Variants in MAML3 observed in about 807,000 individuals in gnomAD.
MAML3 encodes the protein mastermind like transcriptional coactivator 3.
In MAML3, 27 loss-of-function variants were observed where a neutral mutation model predicts 101.9. The observed-to-expected ratio is 0.27, with a 90% CI of 0.20 to 0.37. The LOEUF (loss-of-function observed/expected upper bound fraction) is 0.37, where lower values mean the gene tolerates loss of function less well. Ranked by LOEUF, MAML3 falls within the 10% of genes least tolerant of loss-of-function variation. The pLI is 1.00. For missense variants in MAML3, 1,316 were observed against 1,444.9 expected (o/e 0.91, Z 1.45); for synonymous variants, 501 against 555.9 (o/e 0.90, Z 1.39).
chr4:139,883,889 C>CTTTTTTTTTTTTTTT (rs70943452), intron 2 of MAML3, among the ~76,000 whole-genome samples: 1 of 74,324 alleles, frequency 1.3e-5, no homozygotes, highest in Non-Finnish European at 2.5e-5. Flanking sequence ...AATTGCTTGT[C>CTTTTTTTTTTTTTTT]TTTTTTTTTT....
chr4:140,121,736 A>G (rs1728609021), intron 1 of MAML3, among the ~76,000 whole-genome samples: 1 of 152,250 alleles, frequency 6.6e-6, no homozygotes, highest in Non-Finnish European at 1.5e-5. Flanking sequence ...CTATTTATCT[A>G]AAGAAAATGT....
At chr4:139,762,858 T>C (rs1416263547) in intron 2 of MAML3, among the ~76,000 whole-genome samples, 1 of 152,152 alleles carries the variant, frequency 6.6e-6, no homozygotes, top group Non-Finnish European at 1.5e-5. Flanking sequence ...GCACAGCCCA[T>C]GGAGGAAAGA....
chr4:139,730,015 A>G (rs1057046980), intron 3 of MAML3, among the ~76,000 whole-genome samples: 1 of 152,204 alleles, frequency 6.6e-6, no homozygotes, highest in African/African-American at 2.4e-5. Context: ...ATTTCCTCTA[A>G]GAAACAGAGT....
At chr4:140,074,895 T>C (rs1283211023) in intron 1 of MAML3, among the ~76,000 whole-genome samples, 1 of 152,212 alleles carries the variant, frequency 6.6e-6, no homozygotes, top group Non-Finnish European at 1.5e-5. Flanking sequence ...CCAGGCTATG[T>C]GTACAAGGTG....
intron 2 of MAML3, among the ~76,000 whole-genome samples, chr4:139,813,777 A>T (rs1272657809): frequency 6.6e-6 from 1 of 152,154 alleles, no homozygotes; most frequent in Non-Finnish European, 1.5e-5. Context: ...CAGGGGCCAA[A>T]GGATGCAGGA....
Position 139,861,477 on chromosome 4 carries a change from A to ATGTGTGTGTGTGTGTGTG in MAML3, c.2079+27862_2079+27879dup, listed in dbSNP as rs55851938. Among the ~76,000 whole-genome samples the ATGTGTGTGTGTGTGTGTG allele has an allele frequency of 3.9e-3, 568 of 146,468 alleles. 7 individuals are homozygous for ATGTGTGTGTGTGTGTGTG. Among genetic ancestry groups the ATGTGTGTGTGTGTGTGTG allele is most frequent in the African/African-American group, 0.012 (484 of 39,202 alleles). On this transcript the variant is annotated intron_variant, in intron 2 of 4. Transcript: ENST00000509479. Reference sequence around the variant, plus strand: ...AGATGTATGAATGTCTAACCAGCCGATGTGTGTGTGTGTGTGTGTGTGTGT... The same window carrying ATGTGTGTGTGTGTGTGTG: ...AGATGTATGAATGTCTAACCAGCCGATGTGTGTGTGTGTGTGTGTGTGTGTGTGTGTGTGTGTGTGTGT...
chr4:139,832,103 T>TCCCC lies in MAML3; in HGVS notation c.2079+57253_2079+57254insGGGG, dbSNP rs1251865674. ...CCATCATGCCCAGCCCCTTTTTTTTTTTTTTTTTTTTTTTTTTTTGAGACA... is the reference window on the plus strand; with the variant it reads ...CCATCATGCCCAGCCCCTTTTTTTTTCCCCTTTTTTTTTTTTTTTTTTTGAGACA... On this transcript the variant is annotated intron_variant, in intron 2 of 4. Coordinates refer to ENST00000509479, the MANE Select transcript of MAML3 (RefSeq NM_018717.5). Among the ~76,000 whole-genome samples, 100 of 97,896 alleles carry TCCCC rather than the reference T, an allele frequency of 1.0e-3. 2 individuals carry two copies. The highest frequency in any genetic ancestry group is 6.7e-3 in the African/African-American group (98 of 14,652). The allele number at this position is 97,896 out of a possible 152,430, so 64.2% of individuals were successfully genotyped here.
At position 139,719,266 on chromosome 4, in the gene MAML3, C is replaced by A. The variant is rs921475234; in HGVS notation, c.*57G>T. 62 of 1,510,018 alleles carry A rather than the reference C, an allele frequency of 4.1e-5. No homozygotes were observed. The African/African-American group carries it at 7.8e-4, about 19-fold the overall frequency. 93.5% of individuals were successfully genotyped at this position (1,510,018 alleles called of 1,614,324 possible). On this transcript the variant is annotated 3_prime_UTR_variant, in exon 5 of 5. Transcript: ENST00000509479. ...ACAAGGATGGGTCAACATCCTGTTT[C>A]TTTTTCACTTTTTAAGCTTTAACCA...
chr4:140,069,897 C>T (rs1727616392), intron 1 of MAML3, among the ~76,000 whole-genome samples: 1 of 151,932 alleles, frequency 6.6e-6, no homozygotes, highest in Non-Finnish European at 1.5e-5. Context: ...TGGCGGATTA[C>T]CTGAGGTCAG....
intron 1 of MAML3, among the ~76,000 whole-genome samples, chr4:140,015,530 T>G (rs530102812): frequency 1.3e-5 from 2 of 152,352 alleles, no homozygotes; most frequent in East Asian, 3.9e-4. Context: ...TTAAAATAGT[T>G]ATTGTTGAAA....
chr4:139,913,597 G>A (rs762010579), intron 1 of MAML3, among the ~76,000 whole-genome samples: 1 of 152,232 alleles, frequency 6.6e-6, no homozygotes, highest in Middle Eastern at 3.4e-3. Flanking sequence ...TGTACTCCTG[G>A]GTGACTCTCT....
At chr4:140,090,534 T>A (rs979114575) in intron 1 of MAML3, among the ~76,000 whole-genome samples, 2 of 152,184 alleles carry the variant, frequency 1.3e-5, no homozygotes, top group Non-Finnish European at 2.9e-5. Flanking sequence ...CTGTACTGGG[T>A]TATACTGCTA....
At chr4:139,845,054 T>G (rs1184621985) in intron 2 of MAML3, among the ~76,000 whole-genome samples, 2 of 152,134 alleles carry the variant, frequency 1.3e-5, no homozygotes, top group Non-Finnish European at 2.9e-5. Context: ...TCCCTTTTGA[T>G]GAGATAATGG....
chr4:140,151,802 G>C (rs1413031965), intron 1 of MAML3, among the ~76,000 whole-genome samples: 1 of 152,272 alleles, frequency 6.6e-6, no homozygotes, highest in African/African-American at 2.4e-5. Flanking sequence ...CTCCGGCTTG[G>C]GGGGTGGGAA....
At chr4:139,866,614 A>AC (rs1213464144) in intron 2 of MAML3, among the ~76,000 whole-genome samples, 1 of 152,080 alleles carries the variant, frequency 6.6e-6, no homozygotes, top group Admixed American at 6.5e-5. Context: ...CAGACAGGTG[A>AC]CCTATTTTTT....
At chr4:139,739,157 A>G (rs1271544438) in intron 2 of MAML3, among the ~76,000 whole-genome samples, 1 of 152,192 alleles carries the variant, frequency 6.6e-6, no homozygotes, top group Non-Finnish European at 1.5e-5. Flanking sequence ...CTAAACCAAC[A>G]TCAGGTATAA....
At chr4:139,932,006 C>A (rs1024457147) in intron 1 of MAML3, among the ~76,000 whole-genome samples, 1 of 151,602 alleles carries the variant, frequency 6.6e-6, no homozygotes, top group African/African-American at 2.4e-5. Flanking sequence ...GCGATAAGAA[C>A]AAAACTCTGT....
intron 2 of MAML3, among the ~76,000 whole-genome samples, chr4:139,761,125 A>C (rs955881593): frequency 2.0e-5 from 3 of 151,940 alleles, no homozygotes; most frequent in African/African-American, 7.3e-5. Flanking sequence ...CACCTGGCAA[A>C]TTTTTGTATT....
chr4:140,074,219 A>AAGAGAGAGAGAGAGAAAGAAAG (rs1313742348), intron 1 of MAML3, among the ~76,000 whole-genome samples: 7 of 57,226 alleles, frequency 1.2e-4, no homozygotes, highest in Non-Finnish European at 3.0e-4. Flanking sequence ...GAAAGAAAGA[A>AAGAGAGAGAGAGAGAAAGAAAG]AGAAAGAAAG....
Sources: allele counts gnomAD v4.1 joint callset (sites outside exome capture counted in the v4.1 genomes callset), GRCh38; gene constraint gnomAD v4.1.1; transcripts MANE v1.5; gene names NCBI Gene and HGNC (gene_info 2026-07-23, HGNC 2026-07-21).